BCAR3: variants seen among roughly 807,000 people sequenced by gnomAD.
BCAR3 encodes the protein BCAR3 adaptor protein, NSP family member.
A neutral mutation model predicts 80.1 loss-of-function variants in BCAR3; 37 were observed. That is an observed-to-expected ratio of 0.46 (90% CI 0.36 to 0.61). The LOEUF is 0.61. Ranked by LOEUF, BCAR3 falls within the 20% of genes least tolerant of loss-of-function variation. The pLI, the probability that BCAR3 is intolerant of heterozygous loss-of-function variation, is 0.00. For missense variants in BCAR3, 978 were observed against 1,068.2 expected (o/e 0.92, Z 1.18); for synonymous variants, 389 against 418.9 (o/e 0.93, Z 0.87).
At chr1:93,600,135 G>A (rs185971685) in intron 3 of BCAR3, among the ~76,000 whole-genome samples, 12 of 152,148 alleles carry the variant, frequency 7.9e-5, no homozygotes, top group Admixed American at 4.6e-4. Flanking sequence ...CAGAATCAAC[G>A]AGCTTCTAAT....
chr1:93,796,632 G>GGGAGCTGTAGACT (rs1442992442), intron 2 of BCAR3, among the ~76,000 whole-genome samples: 2 of 152,090 alleles, frequency 1.3e-5, no homozygotes, highest in Non-Finnish European at 2.9e-5. Context: ...CGCTCACGCT[G>GGGAGCTGTAGACT]GGAGCTGTAG....
At chr1:93,649,322 GGT>G (rs1676248836) in intron 2 of BCAR3, among the ~76,000 whole-genome samples, 1 of 152,190 alleles carries the variant, frequency 6.6e-6, no homozygotes, top group Non-Finnish European at 1.5e-5. Context: ...CTTGTCTTGA[GGT>G]GGTTCCATCT....
chr1:93,769,220 A>T (rs1240151104), intron 2 of BCAR3, among the ~76,000 whole-genome samples: 1 of 152,224 alleles, frequency 6.6e-6, no homozygotes, highest in Non-Finnish European at 1.5e-5. Flanking sequence ...AGCAATGGGA[A>T]TTTCTGGATT....
chr1:93,689,778 G>T (rs1036461346), intron 3 of BCAR3, among the ~76,000 whole-genome samples: 3 of 152,186 alleles, frequency 2.0e-5, no homozygotes, highest in Non-Finnish European at 2.9e-5. Context: ...GATGAGCTGT[G>T]CTGCCTTGTT....
intron 2 of BCAR3, among the ~76,000 whole-genome samples, chr1:93,646,074 A>T (rs1268833831): frequency 1.3e-5 from 2 of 152,172 alleles, no homozygotes; most frequent in African/African-American, 4.8e-5. Flanking sequence ...CACTACTAAA[A>T]ATATATAAAG....
At chr1:93,674,585 A>C in intron 2 of BCAR3, 29 bp downstream of exon 2, 1 of 1,607,556 alleles carries the variant, frequency 6.2e-7, no homozygotes, top group Non-Finnish European at 8.5e-7. Context: ...AAGACAAATC[A>C]TCTTCACTAG....
rs147425873 is a variant in BCAR3 at position 93,735,463 on chromosome 1, G to A, written c.-62-29321C>T. On this transcript the variant is annotated intron_variant, in intron 2 of 13. Transcript: ENST00000370244. ...CCAAACATCAGGCACTTTTGCTTTC[G>A]GAGACCACATCCCATATTAAAAAAT... 4.7e-3 allele frequency among the ~76,000 whole-genome samples: 708 copies of A among 152,164 alleles called. 8 individuals are homozygous for A. The highest frequency in any genetic ancestry group is 0.01 in the Middle Eastern group (3 of 294).
intron 4 of BCAR3, 64 bp from the exon 5 acceptor site, chr1:93,589,483 T>C (rs1421797709): frequency 2.9e-6 from 4 of 1,399,154 alleles, no homozygotes; most frequent in African/African-American, 1.4e-5. Context: ...TAAAAGCTTA[T>C]GGCTACCCAC....
chr1:93,796,427 GTCC>G (rs1653266699), intron 2 of BCAR3, among the ~76,000 whole-genome samples: 2 of 147,214 alleles, frequency 1.4e-5, no homozygotes, highest in East Asian at 4.1e-4. Flanking sequence ...TTCCAGGTGC[GTCC>G]GTCACCCCTT....
At chr1:93,583,515 G>A (rs968275480) in intron 6 of BCAR3, among the ~76,000 whole-genome samples, 2 of 152,100 alleles carry the variant, frequency 1.3e-5, no homozygotes, top group Non-Finnish European at 1.5e-5. Flanking sequence ...TCTTACTAAT[G>A]TAACTGCTTA....
intron 2 of BCAR3, among the ~76,000 whole-genome samples, chr1:93,795,135 TGGAGTTGCTCTTCTC>T (rs1653225654): frequency 1.3e-5 from 1 of 79,232 alleles, no homozygotes; most frequent in Admixed American, 1.5e-4. Context: ...TTATGTGTCT[TGGAGTTGCTCTTCTC>T]GAGGAGTACC....
chr1:93,718,643 T>C (rs1422020680), intron 2 of BCAR3, among the ~76,000 whole-genome samples: 1 of 151,150 alleles, frequency 6.6e-6, no homozygotes, highest in Non-Finnish European at 1.5e-5. Context: ...GGCCATAAAG[T>C]AAATGCTGTC....
intron 2 of BCAR3, among the ~76,000 whole-genome samples, chr1:93,776,976 A>G (rs1310020852): frequency 1.3e-5 from 2 of 152,186 alleles, no homozygotes; most frequent in Non-Finnish European, 2.9e-5. Context: ...ATGAGGTCAT[A>G]CTGGATTAGG....
intron 2 of BCAR3, among the ~76,000 whole-genome samples, chr1:93,745,828 C>G (rs1396998165): frequency 1.3e-5 from 2 of 152,118 alleles, no homozygotes; most frequent in African/African-American, 4.8e-5. Context: ...TCACTTGAGA[C>G]CAGGAGTTCA....
At chr1:93,639,851 T>A (rs1041447755) in intron 3 of BCAR3, among the ~76,000 whole-genome samples, 19 of 152,140 alleles carry the variant, frequency 1.2e-4, no homozygotes, top group Non-Finnish European at 2.2e-4. Flanking sequence ...TGGACTGCTG[T>A]CTGTTGGCCA....
At chr1:93,724,846 C>T (rs1363983070) in intron 2 of BCAR3, among the ~76,000 whole-genome samples, 2 of 152,218 alleles carry the variant, frequency 1.3e-5, no homozygotes, top group Non-Finnish European at 2.9e-5. Flanking sequence ...CTCTCCACTT[C>T]CACCCACCAA....
intron 2 of BCAR3, chr1:93,845,501 T>TTTTGTC (rs1187622336): frequency 1.0e-5 from 1 of 96,318 alleles, no homozygotes; most frequent in Non-Finnish European, 2.1e-5. Context: ...TATATATATA[T>TTTTGTC]AAAACTTTGT....
At chr1:93,777,032 T>C (rs942728541) in intron 2 of BCAR3, among the ~76,000 whole-genome samples, 2 of 151,388 alleles carry the variant, frequency 1.3e-5, no homozygotes, top group African/African-American at 2.4e-5. Context: ...TGAACACAGA[T>C]AGACACAGGG....
intron 2 of BCAR3, among the ~76,000 whole-genome samples, chr1:93,776,740 C>A (rs1652565673): frequency 6.6e-6 from 1 of 152,058 alleles, no homozygotes; most frequent in Non-Finnish European, 1.5e-5. Flanking sequence ...GTAGGTAGAT[C>A]TAGACTTACT....
Sources: allele counts gnomAD v4.1 joint callset (sites outside exome capture counted in the v4.1 genomes callset), GRCh38; gene constraint gnomAD v4.1.1; transcripts MANE v1.5; gene names NCBI Gene and HGNC (gene_info 2026-07-23, HGNC 2026-07-21).